The following LRRC4C variants were observed in gnomAD, a reference collection of about 807,000 sequenced individuals.
The protein encoded by LRRC4C is leucine rich repeat containing 4C.
A neutral mutation model predicts 33.6 loss-of-function variants in LRRC4C; 5 were observed. The observed-to-expected ratio is 0.15, with a 90% confidence interval of 0.08 to 0.31. The LOEUF is 0.31. Ranked by LOEUF, LRRC4C falls within the 10% of genes least tolerant of loss-of-function variation. The probability of loss-of-function intolerance (pLI) is 1.00; values close to 1 mark genes in which losing one functional copy is unlikely to be tolerated. For synonymous variants in LRRC4C, 329 were observed against 302.0 expected, an observed-to-expected ratio of 1.09 and a Z score of -0.93; for missense variants, 560 against 796.7, an observed-to-expected ratio of 0.70 and a Z score of 3.58.
intron 2 of LRRC4C, among the ~76,000 whole-genome samples, chr11:40,818,591 A>T (rs1438612605): frequency 6.6e-6 from 1 of 152,044 alleles, no homozygotes; most frequent in Non-Finnish European, 1.5e-5. Context: ...AAGGAAAAAA[A>T]TGATTTACTT....
At chr11:40,835,539 C>G (rs1400107052) in intron 2 of LRRC4C, among the ~76,000 whole-genome samples, 1 of 152,104 alleles carries the variant, frequency 6.6e-6, no homozygotes, top group Non-Finnish European at 1.5e-5. Flanking sequence ...AGATAACGTA[C>G]TAATGACCAC....
At chr11:41,295,493 C>T (rs143998014) in intron 1 of LRRC4C, among the ~76,000 whole-genome samples, 214 of 152,160 alleles carry the variant, frequency 1.4e-3, no homozygotes, top group African/African-American at 4.0e-3. Flanking sequence ...ACGTGGTTTC[C>T]CCAGTTCAGG....
intron 2 of LRRC4C, among the ~76,000 whole-genome samples, chr11:40,732,208 GA>G (rs1177964192): frequency 9.2e-5 from 14 of 151,930 alleles, no homozygotes; most frequent in East Asian, 7.8e-4. Context: ...ACCATTATCA[GA>G]AAAAAAAGTA....
intron 1 of LRRC4C, among the ~76,000 whole-genome samples, chr11:41,093,819 C>T (rs1188872928): frequency 6.7e-6 from 1 of 149,954 alleles, no homozygotes; most frequent in African/African-American, 2.5e-5. Flanking sequence ...CGGCCGGGCC[C>T]GGTGGATCAC....
intron 4 of LRRC4C, among the ~76,000 whole-genome samples, chr11:40,268,666 CA>C (rs1045655770): frequency 4.6e-5 from 7 of 151,452 alleles, no homozygotes; most frequent in African/African-American, 7.3e-5. Context: ...AAAAAATCAG[CA>C]AAAAAAATAA....
intron 1 of LRRC4C, among the ~76,000 whole-genome samples, chr11:41,420,389 A>C (rs1954833689): frequency 6.6e-6 from 1 of 151,968 alleles, no homozygotes; most frequent in Non-Finnish European, 1.5e-5. Flanking sequence ...CCTCAAATGT[A>C]AGGCTTTTAA....
intron 3 of LRRC4C, among the ~76,000 whole-genome samples, chr11:40,480,196 G>C (rs965960976): frequency 6.6e-6 from 1 of 151,812 alleles, no homozygotes; most frequent in African/African-American, 2.4e-5. Flanking sequence ...AAAAGCAGGG[G>C]GGCTTCTGTG....
At chr11:41,066,728 C>T (rs1343595703) in intron 1 of LRRC4C, among the ~76,000 whole-genome samples, 1 of 152,110 alleles carries the variant, frequency 6.6e-6, no homozygotes, top group Non-Finnish European at 1.5e-5. Flanking sequence ...AGCAGAAACC[C>T]TACATGCCAG....
At chr11:41,178,484 G>T (rs547774414) in intron 1 of LRRC4C, among the ~76,000 whole-genome samples, 1 of 152,256 alleles carries the variant, frequency 6.6e-6, no homozygotes, top group East Asian at 1.9e-4. Context: ...CTCCTGAGTA[G>T]CTGGAACTAC....
chr11:40,748,891 T>C (rs1294056791), intron 2 of LRRC4C, among the ~76,000 whole-genome samples: 2 of 152,026 alleles, frequency 1.3e-5, no homozygotes, highest in Non-Finnish European at 2.9e-5. Flanking sequence ...CAAAAACAGA[T>C]CATTATATAA....
At chr11:41,338,885 T>C (rs1337404745) in intron 1 of LRRC4C, among the ~76,000 whole-genome samples, 1 of 152,022 alleles carries the variant, frequency 6.6e-6, no homozygotes. Context: ...ATTCCATAGA[T>C]TCAGATTTTT....
chr11:41,012,712 G>A (rs1258614329), intron 1 of LRRC4C, among the ~76,000 whole-genome samples: 1 of 152,142 alleles, frequency 6.6e-6, no homozygotes, highest in Non-Finnish European at 1.5e-5. Context: ...TAGTGTATGA[G>A]TGTTCTTTTT....
At chr11:41,103,335 A>G (rs1941308658) in intron 1 of LRRC4C, among the ~76,000 whole-genome samples, 1 of 151,982 alleles carries the variant, frequency 6.6e-6, no homozygotes, top group South Asian at 2.1e-4. Flanking sequence ...ATACTAATGC[A>G]TCACAGATAG....
At chr11:40,933,109 T>C (rs1957704076) in intron 2 of LRRC4C, among the ~76,000 whole-genome samples, 1 of 152,198 alleles carries the variant, frequency 6.6e-6, no homozygotes, top group Non-Finnish European at 1.5e-5. Flanking sequence ...TAGTGTCTGA[T>C]GGACCAGGTT....
chr11:40,385,564 G>T (rs1470785913), intron 3 of LRRC4C, among the ~76,000 whole-genome samples: 1 of 151,992 alleles, frequency 6.6e-6, no homozygotes, highest in Non-Finnish European at 1.5e-5. Context: ...ATGGAGGTAA[G>T]AGTTGAAAAG....
chr11:40,348,058 ATGTG>A (rs1947215084), intron 3 of LRRC4C, among the ~76,000 whole-genome samples: 2 of 152,210 alleles, frequency 1.3e-5, no homozygotes, highest in South Asian at 4.1e-4. Flanking sequence ...TCTGGATTAA[ATGTG>A]TTATATGGGC....
In LRRC4C at chr11:40,115,548, A is replaced by G. The variant is rs1289719968; in HGVS notation, c.745T>C (p.Trp249Arg). Residue 249 changes from tryptophan to arginine, a missense_variant, in exon 7 of 7, where the codon TGG becomes CGG. By Grantham distance (101) the Trp-to-Arg change is moderately radical (BLOSUM62 -3). Around this residue, in one of 3 missense-constraint regions of LRRC4C, gnomAD observed 455 missense variants for 643.8 expected, o/e 0.71. Transcript: ENST00000528697. This position sits in a 1 kb window ranked among gnomAD's most constrained non-coding sequence, Gnocchi z 6.7. ...FQGLMHLQKL[W>R]MIQSQIQVIE... Reference sequence around the variant, plus strand: ...ACTTGAATCTGGGACTGTATCATCCACAGTTTTTGAAGGTGCATCAAACCC... The same window carrying G: ...ACTTGAATCTGGGACTGTATCATCCGCAGTTTTTGAAGGTGCATCAAACCC... 1.2e-6 allele frequency: 2 copies of G among 1,614,194 alleles called. No individual in the cohort carries two copies. Among genetic ancestry groups the G allele is most frequent in the Non-Finnish European group, 1.7e-6 (2 of 1,180,030 alleles).
intron 1 of LRRC4C, among the ~76,000 whole-genome samples, chr11:41,401,565 G>A (rs933723711): frequency 6.6e-6 from 1 of 151,788 alleles, no homozygotes; most frequent in East Asian, 1.9e-4. Context: ...CCAGTCATGG[G>A]GCGGACAAAG....
At chr11:40,384,733 CTTTCT>C in intron 3 of LRRC4C, among the ~76,000 whole-genome samples, 1 of 152,188 alleles carries the variant, frequency 6.6e-6, no homozygotes, top group Admixed American at 6.5e-5. Context: ...TATTCTCCAC[CTTTCT>C]TTTCTTTTTT....
Sources: allele counts gnomAD v4.1 joint callset (sites outside exome capture counted in the v4.1 genomes callset), GRCh38; gene constraint gnomAD v4.1.1; regional missense constraint gnomAD v4.1.1; non-coding constraint Gnocchi (gnomAD v3.1); transcripts MANE v1.5; gene names NCBI Gene and HGNC (gene_info 2026-07-23, HGNC 2026-07-21).